Variants in EIF2B3 observed in about 807,000 individuals in gnomAD.
EIF2B3 encodes translation initiation factor eIF2B subunit gamma.
In EIF2B3, 20 loss-of-function variants were observed where a neutral mutation model predicts 54.1. That is an observed-to-expected ratio of 0.37 (90% confidence interval 0.26 to 0.54). The LOEUF (loss-of-function observed/expected upper bound fraction) is 0.54. EIF2B3 is among the 20% of genes least tolerant of loss of function. The pLI is 0.86. For missense variants in EIF2B3, 448 were observed against 547.8 expected, an observed-to-expected ratio of 0.82 and a Z score of 1.82; for synonymous variants, 153 against 188.1, an observed-to-expected ratio of 0.81 and a Z score of 1.52.
At chr1:44,968,153 C>T (rs1392653054) in intron 3 of EIF2B3, among the ~76,000 whole-genome samples, 1 of 151,816 alleles carries the variant, frequency 6.6e-6, no homozygotes, top group Non-Finnish European at 1.5e-5. Context: ...CATTTGAGTC[C>T]AGGAGTGTGA....
chr1:44,879,683 C>A, intron 8 of EIF2B3, 135 bp downstream of exon 8: 2 of 1,006,702 alleles, frequency 2.0e-6, no homozygotes, highest in Non-Finnish European at 3.0e-6. Context: ...TCTCCCTTGA[C>A]GTGCCAGGTC....
intron 5 of EIF2B3, among the ~76,000 whole-genome samples, chr1:44,897,779 T>C (rs909100724): frequency 1.3e-5 from 2 of 148,910 alleles, no homozygotes; most frequent in African/African-American, 2.5e-5. Flanking sequence ...CTTTGTTGCC[T>C]AGGCTGGAGT....
At chr1:44,869,233 T>G (rs1033859084) in intron 10 of EIF2B3, among the ~76,000 whole-genome samples, 2 of 152,108 alleles carry the variant, frequency 1.3e-5, no homozygotes. Context: ...ATCCCAGCAC[T>G]TTGGGAGGCT....
At position 44,881,739 on chromosome 1, in the gene EIF2B3, C is replaced by T. The variant is rs759920851; in HGVS notation, c.657G>A (p.Gly219=). 3 of 1,613,996 alleles carry T rather than the reference C, an allele frequency of 1.9e-6. No individual in the cohort carries two copies. The highest frequency in any genetic ancestry group is 1.7e-6 in the Non-Finnish European group (2 of 1,179,938). The change falls in exon 7 of 12, where the codon GGG becomes GGA. Residue 219 remains glycine, a splice_region_variant and synonymous_variant. Coordinates refer to ENST00000360403, the MANE Select transcript of EIF2B3 (RefSeq NM_020365.5). This position sits in a 1 kb window ranked among gnomAD's most constrained non-coding sequence, Gnocchi z 4.0. Reference sequence around the variant, plus strand: ...GTTCACTCCGGATAGAAGTTATTGACCTAGAAAGAAAGAATGGCCAAATAT... The same window carrying T: ...GTTCACTCCGGATAGAAGTTATTGATCTAGAAAGAAAGAATGGCCAAATAT... ...KYIVDFLMEN[G]SITSIRSELI... is the part of the protein sequence containing the mutation.
chr1:44,977,451 G>A (rs376362468), intron 3 of EIF2B3, among the ~76,000 whole-genome samples: 6 of 151,768 alleles, frequency 4.0e-5, no homozygotes, highest in African/African-American at 1.4e-4. Context: ...ATCTTTTGAA[G>A]TACATTTAGA....
Position 44,881,533 on chromosome 1 carries a change from C to A in EIF2B3, c.784+79G>T. ...GCTGCCTTGAGTCAGGCATCTTGGG[C>A]TGGGCTAAGCTGCCCAACCACTCTT... On this transcript the variant is annotated intron_variant, in intron 7 of 11. Transcript: ENST00000360403. The surrounding 1 kb of genome is among the most constrained non-coding windows in gnomAD (Gnocchi z 4.0). 1.3e-6 allele frequency: 2 copies of A among 1,570,098 alleles called. No individual in the cohort carries two copies. The highest frequency in any genetic ancestry group is 1.7e-6 in the Non-Finnish European group (2 of 1,145,686).
chr1:44,894,985 A>AAGAC (rs796580986), intron 6 of EIF2B3, among the ~76,000 whole-genome samples: 104 of 152,314 alleles, frequency 6.8e-4, no homozygotes, highest in African/African-American at 2.3e-3. Flanking sequence ...GCCAGGAGTA[A>AAGAC]AGACTGTCCC....
rs146922798 is a variant in EIF2B3, at chr1:44,866,410, AC to A, written c.1202+8267del. 1.4e-3 allele frequency among the ~76,000 whole-genome samples: 207 copies of A among 151,384 alleles called. 1 individual carries two copies. The highest frequency in any genetic ancestry group is 4.3e-3 in the African/African-American group (179 of 41,356). ...GAGATTCTGTCTCAAAAAAAAAAAA[AC>A]AAACAAAACTATATTGAAGGCATTT... On this transcript the variant is annotated intron_variant, in intron 10 of 11. Transcript: ENST00000360403.
At chr1:44,972,967 G>A (rs1644417729) in intron 3 of EIF2B3, among the ~76,000 whole-genome samples, 1 of 152,142 alleles carries the variant, frequency 6.6e-6, no homozygotes, top group Non-Finnish European at 1.5e-5. Flanking sequence ...CTTGACCCTG[G>A]GAGGTCAATG....
At chr1:44,869,927 C>T (rs1326051322) in intron 10 of EIF2B3, among the ~76,000 whole-genome samples, 2 of 151,888 alleles carry the variant, frequency 1.3e-5, no homozygotes, top group Non-Finnish European at 2.9e-5. Flanking sequence ...TGGAGAACAC[C>T]ACAATATGGT....
intron 6 of EIF2B3, among the ~76,000 whole-genome samples, chr1:44,883,027 C>T (rs2148906684): frequency 7.0e-6 from 1 of 143,558 alleles, no homozygotes; most frequent in Non-Finnish European, 1.5e-5. Flanking sequence ...CCTCCCAGTT[C>T]AAGTGATTCT....
At chr1:44,869,409 C>T (rs973088906) in intron 10 of EIF2B3, among the ~76,000 whole-genome samples, 9 of 149,782 alleles carry the variant, frequency 6.0e-5, no homozygotes, top group African/African-American at 2.2e-4. Context: ...ACTTGGGAGG[C>T]GGAGGTTGCA....
intron 1 of EIF2B3, among the ~76,000 whole-genome samples, 198 bp from the exon 2 acceptor site, chr1:44,981,375 T>C (rs1644511349): frequency 6.6e-6 from 1 of 152,186 alleles, no homozygotes; most frequent in Non-Finnish European, 1.5e-5. Context: ...CTCAGTTCTA[T>C]CCTTGGTAAA....
rs1569824105 is a variant in EIF2B3, at chr1:44,951,991, C to T, written c.295-10326G>A. On this transcript the variant is annotated intron_variant, in intron 3 of 11. Coordinates refer to ENST00000360403, the MANE Select transcript of EIF2B3 (RefSeq NM_020365.5). ...TTTTTTTTTTTTTTTGAGACGGAGT[C>T]TCGCTCTGTTGCCCAGGCTGGAGTG... Among the ~76,000 whole-genome samples, 2 of 40,316 alleles carry T rather than the reference C, an allele frequency of 5.0e-5. 1 individual carries two copies. Among genetic ancestry groups the T allele is most frequent in the South Asian group, 2.2e-3 (2 of 918 alleles). 26.4% of individuals were successfully genotyped at this position (40,316 alleles called of 152,430 possible).
chr1:44,860,862 A>G (rs1654592747), intron 10 of EIF2B3, among the ~76,000 whole-genome samples: 1 of 152,168 alleles, frequency 6.6e-6, no homozygotes, highest in African/African-American at 2.4e-5. Context: ...TCCCAACCCA[A>G]GAGGCATGAG....
At chr1:44,909,797 T>C (rs966086635) in intron 5 of EIF2B3, among the ~76,000 whole-genome samples, 9 of 152,196 alleles carry the variant, frequency 5.9e-5, no homozygotes, top group African/African-American at 1.9e-4. Context: ...TTTTGGGAAT[T>C]AGGGCTGGTT....
intron 6 of EIF2B3, among the ~76,000 whole-genome samples, chr1:44,886,003 C>A (rs924161459): frequency 1.3e-4 from 20 of 151,622 alleles, no homozygotes; most frequent in Admixed American, 2.6e-4. Context: ...CCTCAGCCTC[C>A]CAAAGTGCTG....
At chr1:44,914,630 G>C (rs1057148937) in intron 5 of EIF2B3, among the ~76,000 whole-genome samples, 42 of 152,236 alleles carry the variant, frequency 2.8e-4, no homozygotes, top group African/African-American at 9.9e-4. Flanking sequence ...AAGGATTTTA[G>C]AGAATTACTA....
At chr1:44,883,503 G>A (rs1166066344) in intron 6 of EIF2B3, among the ~76,000 whole-genome samples, 2 of 151,882 alleles carry the variant, frequency 1.3e-5, no homozygotes, top group Admixed American at 6.6e-5. Flanking sequence ...GACTCCACTG[G>A]GACCAGTGAC....
Sources: gnomAD v4.1 joint callset for allele counts (sites outside exome capture counted in the v4.1 genomes callset) on GRCh38, gnomAD v4.1.1 for gene constraint, Gnocchi (gnomAD v3.1) non-coding constraint, MANE v1.5 for transcripts, NCBI Gene and HGNC (gene_info 2026-07-23, HGNC 2026-07-21) for gene names.